NAPA: variants seen among roughly 807,000 people sequenced by gnomAD.
NAPA encodes the protein alpha-soluble NSF attachment protein.
Under a neutral mutation model 48.0 loss-of-function variants are expected in NAPA, and 18 were observed. The ratio of observed to expected loss-of-function variants is 0.38; its 90% confidence interval spans 0.26 to 0.56. The LOEUF (loss-of-function observed/expected upper bound fraction) is 0.56, where lower values mean the gene tolerates loss of function less well. Ranked by LOEUF, NAPA falls within the 20% of genes least tolerant of loss-of-function variation. The pLI is 0.77. For synonymous variants in NAPA, 152 were observed against 149.9 expected (o/e 1.01, Z -0.10); for missense variants, 315 against 385.0 (o/e 0.82, Z 1.52).
chr19:47,491,068 A>AGAGGTGGGTGGAG, intron 8 of NAPA: 1 of 499,222 alleles, frequency 2.0e-6, no homozygotes, highest in South Asian at 2.4e-5. Flanking sequence ...GGCTGCAGGG[A>AGAGGTGGGTGGAG]GAGGTGGGTG....
intron 1 of NAPA, among the ~76,000 whole-genome samples, chr19:47,507,167 C>T (rs550930364): frequency 9.2e-5 from 14 of 152,250 alleles, no homozygotes; most frequent in East Asian, 7.7e-4. Flanking sequence ...TGAGCCACTC[C>T]GGGAATAGAG....
Position 47,488,170 on chromosome 19 carries a change from A to T in NAPA, c.*118T>A. On this transcript the variant is annotated 3_prime_UTR_variant, in exon 11 of 11. Coordinates refer to ENST00000263354, the MANE Select transcript of NAPA (RefSeq NM_003827.4). ...TGCTGACCCCCGGTGCCACCTGCCCACTGTGGCCCGCGGCACTCCCCAGAT... is the reference window on the plus strand; with the variant it reads ...TGCTGACCCCCGGTGCCACCTGCCCTCTGTGGCCCGCGGCACTCCCCAGAT... 1 of 939,558 alleles carries T rather than the reference A, an allele frequency of 1.1e-6. No homozygotes were observed. Among genetic ancestry groups the T allele is most frequent in the Non-Finnish European group, 1.6e-6 (1 of 621,194 alleles). 58.2% of individuals were successfully genotyped at this position (939,558 alleles called of 1,614,324 possible). A position where few individuals can be genotyped will look rare whatever the true frequency, so the allele number is the denominator to read the frequency against.
chr19:47,495,646 A>AGCTTCT, intron 3 of NAPA, 50 bp from the exon 4 acceptor site: 1 of 1,593,230 alleles, frequency 6.3e-7, no homozygotes, highest in Non-Finnish European at 8.6e-7. Context: ...AAGTCGTTTC[A>AGCTTCT]GCAGAAGCTG....
intron 2 of NAPA, 63 bp downstream of exon 2, chr19:47,503,360 G>A (rs1359587418): frequency 6.8e-7 from 1 of 1,472,706 alleles, no homozygotes; most frequent in Admixed American, 1.7e-5. Context: ...GGGCAGGCCT[G>A]TGTGAGTGGA....
At chr19:47,488,475 G>T in intron 10 of NAPA, 86 bp from the exon 11 acceptor site, 6 of 1,072,464 alleles carry the variant, frequency 5.6e-6, no homozygotes, top group Non-Finnish European at 6.9e-6. Context: ...AGGTTTTCAA[G>T]ATCTGTCTCT....
chr19:47,493,717 T>C lies in NAPA; in HGVS notation c.343-224A>G. ...TGCGTGCTGGGCTGAGCGGGTGATG[T>C]TGGACAAGCCACTCCAGGGCCTTAG... On this transcript the variant is annotated intron_variant, in intron 4 of 10. Coordinates refer to ENST00000263354, the MANE Select transcript of NAPA (RefSeq NM_003827.4). This position sits in a 1 kb window ranked among gnomAD's most constrained non-coding sequence, Gnocchi z 6.4. 1 of 562,122 alleles carries C rather than the reference T, an allele frequency of 1.8e-6. No individual in the cohort carries two copies. The highest frequency in any genetic ancestry group is 3.2e-6 in the Non-Finnish European group (1 of 311,026). 34.8% of individuals were successfully genotyped at this position (562,122 alleles called of 1,614,324 possible).
chr19:47,497,274 T>G (rs1968453365), intron 3 of NAPA: 1 of 164,442 alleles, frequency 6.1e-6, no homozygotes, highest in South Asian at 1.4e-4. Flanking sequence ...CGGCAAAGGC[T>G]GCTGCTCCGC....
downstream of NAPA, among the ~76,000 whole-genome samples, chr19:47,486,361 A>T (rs183479568): frequency 6.6e-6 from 1 of 152,138 alleles, no homozygotes. Context: ...TCTCAAAAAA[A>T]AAACAAACCC....
intron 9 of NAPA, 21 bp downstream of exon 9, chr19:47,490,767 G>T (rs1245970310): frequency 6.2e-7 from 1 of 1,611,160 alleles, no homozygotes; most frequent in African/African-American, 1.3e-5. Flanking sequence ...GAAGGGGGAG[G>T]CCGGAGCACC....
downstream of NAPA, among the ~76,000 whole-genome samples, chr19:47,486,919 T>C (rs1360892280): frequency 1.3e-5 from 2 of 152,200 alleles, no homozygotes; most frequent in East Asian, 3.9e-4. Flanking sequence ...GCCCCTCCTC[T>C]GTGCAATTAC....
chr19:47,509,629 A>G (rs1249916271), intron 1 of NAPA, among the ~76,000 whole-genome samples: 1 of 152,224 alleles, frequency 6.6e-6, no homozygotes. Flanking sequence ...ACTTCAGAAT[A>G]GCAGCATGGG....
At chr19:47,492,658 C>T (rs1350463877) in intron 7 of NAPA, 2 of 517,358 alleles carry the variant, frequency 3.9e-6, no homozygotes, top group African/African-American at 3.8e-5. Context: ...CACTTCTTCC[C>T]ATTCCCTCCC....
intron 1 of NAPA, among the ~76,000 whole-genome samples, chr19:47,507,946 TC>T (rs1189383546): frequency 6.6e-6 from 1 of 152,062 alleles, no homozygotes; most frequent in Non-Finnish European, 1.5e-5. Context: ...CACTCAGTGA[TC>T]AGGAAGGCTT....
chr19:47,493,534 C>G lies in NAPA; in HGVS notation c.343-41G>C, dbSNP rs748998541. 3 of 1,574,392 alleles carry G rather than the reference C, an allele frequency of 1.9e-6. No individual in the cohort carries two copies. The South Asian group carries it at 3.3e-5, about 17-fold the overall frequency. On this transcript the variant is annotated intron_variant, in intron 4 of 10. Transcript: ENST00000263354. This position sits in a 1 kb window ranked among gnomAD's most constrained non-coding sequence, Gnocchi z 6.4. ...GAAGGGGCTGCCTGCGACTCATGACCTCCTGCGTGCCTGCCTGCTGACCTA... is the reference window on the plus strand; with the variant it reads ...GAAGGGGCTGCCTGCGACTCATGACGTCCTGCGTGCCTGCCTGCTGACCTA...
rs1177365403 is a variant in NAPA, at chr19:47,493,399, G to A, written c.420+17C>T. On this transcript the variant is annotated intron_variant, in intron 5 of 10. Coordinates refer to ENST00000263354, the MANE Select transcript of NAPA (RefSeq NM_003827.4). The surrounding 1 kb of genome is among the most constrained non-coding windows in gnomAD (Gnocchi z 6.4). ...GGTCCTGGCTGCCAGCCCATGCAGGGCCCTGCTGCCACTCACCTTCTCGAT... is the reference window on the plus strand; with the variant it reads ...GGTCCTGGCTGCCAGCCCATGCAGGACCCTGCTGCCACTCACCTTCTCGAT... 4 of 1,613,080 alleles carry A rather than the reference G, an allele frequency of 2.5e-6. No individual in the cohort carries two copies. Among genetic ancestry groups the A allele is most frequent in the East Asian group, 2.2e-5 (1 of 44,874 alleles).
At chr19:47,499,348 C>T (rs2122753367) in intron 3 of NAPA, among the ~76,000 whole-genome samples, 1 of 152,376 alleles carries the variant, frequency 6.6e-6, no homozygotes, top group East Asian at 1.9e-4. Context: ...GCTAAGACAG[C>T]ACCTCTAGGC....
chr19:47,494,948 A>C (rs1043612567), intron 4 of NAPA: 1 of 152,988 alleles, frequency 6.5e-6, no homozygotes, highest in African/African-American at 2.4e-5. Context: ...CAAATGTGAC[A>C]CTTGCGGGAA....
chr19:47,491,551 CCT>C (rs147907898), intron 8 of NAPA: 2,757 of 155,316 alleles, frequency 0.018, 63 homozygotes, highest in Middle Eastern at 0.052. Flanking sequence ...CTCTTTGGCC[CCT>C]CTTTTGCCAA....
At chr19:47,499,517 C>T (rs1325815382) in intron 3 of NAPA, among the ~76,000 whole-genome samples, 3 of 152,264 alleles carry the variant, frequency 2.0e-5, no homozygotes, top group Non-Finnish European at 4.4e-5. Context: ...GTGCTACCAG[C>T]CAGGCAAGCC....
Sources: gnomAD v4.1 joint callset for allele counts (sites outside exome capture counted in the v4.1 genomes callset) on GRCh38, gnomAD v4.1.1 for gene constraint, Gnocchi (gnomAD v3.1) non-coding constraint, MANE v1.5 for transcripts, NCBI Gene and HGNC (gene_info 2026-07-23, HGNC 2026-07-21) for gene names.